Variants in PLEKHA7 observed in about 807,000 individuals in gnomAD.
PLEKHA7 encodes the protein pleckstrin homology domain-containing family A member 7.
A neutral mutation model predicts 170.0 loss-of-function variants in PLEKHA7; 104 were observed. The ratio of observed to expected loss-of-function variants is 0.61; its 90% CI spans 0.52 to 0.72. PLEKHA7 has a LOEUF of 0.72. Ranked by LOEUF, PLEKHA7 falls within the 30% of genes least tolerant of loss-of-function variation. The pLI is 0.00. For synonymous variants in PLEKHA7, 648 were observed against 660.8 expected (o/e 0.98, Z 0.30); for missense variants, 1,615 against 1,671.7 (o/e 0.97, Z 0.59).
chr11:16,814,026 C>T (rs531349056), intron 12 of PLEKHA7, among the ~76,000 whole-genome samples: 12 of 152,246 alleles, frequency 7.9e-5, no homozygotes, highest in African/African-American at 2.6e-4. Flanking sequence ...AAGCTAGGGC[C>T]GAGGCAGGTG....
intron 6 of PLEKHA7, among the ~76,000 whole-genome samples, chr11:16,854,146 T>G (rs1853225738): frequency 6.6e-6 from 1 of 152,198 alleles, no homozygotes; most frequent in Admixed American, 6.5e-5. Context: ...AATGAATGAA[T>G]GACTGGCAAG....
intron 10 of PLEKHA7, among the ~76,000 whole-genome samples, chr11:16,820,713 C>G (rs1294693403): frequency 6.6e-6 from 1 of 152,248 alleles, no homozygotes; most frequent in Non-Finnish European, 1.5e-5. Context: ...GCTCACTCCC[C>G]TTGCCTGCCT....
Position 16,791,907 on chromosome 11 carries a change from G to A in PLEKHA7, c.2746-708C>T, listed in dbSNP as rs537085406. The stretch of plus-strand genomic sequence containing the variant: ...TGGTTCCTCTACATATCAACAGACC[G>A]GCCCCTGGTTGCCATGAACACCCAC... On this transcript the variant is annotated intron_variant, in intron 19 of 26. Coordinates refer to ENST00000531066, the MANE Select transcript of PLEKHA7 (RefSeq NM_001329630.2). This position sits in a 1 kb window ranked among gnomAD's most constrained non-coding sequence, Gnocchi z 4.5. Among the ~76,000 whole-genome samples the A allele has an allele frequency of 1.7e-4, 26 of 152,166 alleles. No individual in the cohort carries two copies. Among genetic ancestry groups the A allele is most frequent in the Non-Finnish European group, 3.2e-4 (22 of 68,004 alleles).
chr11:16,919,162 T>G (rs1254120062), intron 3 of PLEKHA7, among the ~76,000 whole-genome samples: 2 of 152,144 alleles, frequency 1.3e-5, no homozygotes, highest in Non-Finnish European at 2.9e-5. Flanking sequence ...TGCAGTGAGC[T>G]GAGATCACGC....
At chr11:16,916,545 C>T (rs867959599) in intron 3 of PLEKHA7, among the ~76,000 whole-genome samples, 6 of 152,244 alleles carry the variant, frequency 3.9e-5, no homozygotes, top group Middle Eastern at 3.4e-3. Context: ...AAGATTAGAT[C>T]GGACAATGTG....
intron 3 of PLEKHA7, among the ~76,000 whole-genome samples, chr11:17,006,217 G>A (rs771575109): frequency 1.8e-4 from 28 of 151,736 alleles, no homozygotes; most frequent in Middle Eastern, 3.4e-3. Context: ...TAAATTACCC[G>A]GGCATGGTGG....
intron 3 of PLEKHA7, among the ~76,000 whole-genome samples, chr11:16,933,178 T>G (rs1216321453): frequency 6.6e-6 from 1 of 152,224 alleles, no homozygotes; most frequent in African/African-American, 2.4e-5. Context: ...ATGATCTCCT[T>G]TAATCCTCAT....
intron 3 of PLEKHA7, among the ~76,000 whole-genome samples, chr11:16,982,779 C>CTACACACACACACA: frequency 5.6e-5 from 1 of 17,928 alleles, no homozygotes; most frequent in Admixed American, 9.0e-4. Context: ...TCACTATCCC[C>CTACACACACACACA]TACACACACA....
intron 3 of PLEKHA7, among the ~76,000 whole-genome samples, chr11:16,898,263 C>T (rs537483995): frequency 6.6e-6 from 1 of 152,264 alleles, no homozygotes; most frequent in Admixed American, 6.5e-5. Context: ...GGGAAACATT[C>T]CAATTCAATT....
intron 8 of PLEKHA7, among the ~76,000 whole-genome samples, chr11:16,844,264 G>A (rs1279245180): frequency 6.6e-6 from 1 of 152,222 alleles, no homozygotes; most frequent in South Asian, 2.1e-4. Context: ...ATTTGCGAAT[G>A]AGTCTTAAGA....
chr11:16,946,778 G>C (rs1445493595), intron 3 of PLEKHA7, among the ~76,000 whole-genome samples: 1 of 151,868 alleles, frequency 6.6e-6, no homozygotes, highest in African/African-American at 2.4e-5. Flanking sequence ...TGTTAGACTC[G>C]GGCTCCAGCA....
chr11:16,799,399 G>A (rs960941722), intron 17 of PLEKHA7, among the ~76,000 whole-genome samples: 3 of 152,190 alleles, frequency 2.0e-5, no homozygotes, highest in African/African-American at 7.2e-5. Context: ...ACATAGGGAG[G>A]GTGATGGGAG....
intron 3 of PLEKHA7, among the ~76,000 whole-genome samples, chr11:16,927,475 C>T (rs921990262): frequency 2.6e-5 from 4 of 152,160 alleles, no homozygotes; most frequent in Non-Finnish European, 5.9e-5. Context: ...CACCCTCCCC[C>T]ACAACCCAGC....
intron 3 of PLEKHA7, among the ~76,000 whole-genome samples, chr11:17,003,731 T>A (rs1384933045): frequency 1.3e-5 from 2 of 152,172 alleles, no homozygotes; most frequent in Non-Finnish European, 2.9e-5. Flanking sequence ...GTCACCCACA[T>A]CAAAAGCCCT....
chr11:16,852,953 A>G (rs1033808168), intron 6 of PLEKHA7, among the ~76,000 whole-genome samples: 1 of 152,238 alleles, frequency 6.6e-6, no homozygotes, highest in Non-Finnish European at 1.5e-5. Flanking sequence ...TTTATCAATA[A>G]TGTTTTAAAT....
chr11:16,818,409 C>T (rs545853434), intron 10 of PLEKHA7, among the ~76,000 whole-genome samples: 1 of 152,350 alleles, frequency 6.6e-6, no homozygotes, highest in South Asian at 2.1e-4. Context: ...CACTGTTCTT[C>T]CCTCCCCCTG....
At chr11:16,784,926 T>A (rs12574491) in intron 24 of PLEKHA7, among the ~76,000 whole-genome samples, 11,450 of 152,238 alleles carry the variant, frequency 0.075, 578 homozygotes, top group Non-Finnish European at 0.1. Flanking sequence ...CAGAACACAC[T>A]TCCCCTGCCA....
At chr11:16,833,872 C>T (rs1851309028) in intron 9 of PLEKHA7, among the ~76,000 whole-genome samples, 1 of 152,122 alleles carries the variant, frequency 6.6e-6, no homozygotes, top group African/African-American at 2.4e-5. Flanking sequence ...GAGCTAGAGA[C>T]ATTTTTCTTT....
chr11:16,956,547 C>G (rs1312528547), intron 3 of PLEKHA7, among the ~76,000 whole-genome samples: 2 of 152,192 alleles, frequency 1.3e-5, no homozygotes, highest in African/African-American at 4.8e-5. Context: ...TTAACAGAAC[C>G]AGCTAATGGT....
Sources: gnomAD v4.1 joint callset for allele counts (sites outside exome capture counted in the v4.1 genomes callset) on GRCh38, gnomAD v4.1.1 for gene constraint, Gnocchi (gnomAD v3.1) non-coding constraint, MANE v1.5 for transcripts, NCBI Gene and HGNC (gene_info 2026-07-23, HGNC 2026-07-21) for gene names.